FBXO4: variants seen among roughly 807,000 people sequenced by gnomAD.
The protein encoded by FBXO4 is F-box protein 4, also known as F-box only protein 4.
In FBXO4, 36 loss-of-function variants were observed where a neutral mutation model predicts 43.7. The ratio of observed to expected loss-of-function variants is 0.82; its 90% CI spans 0.63 to 1.09. The LOEUF (loss-of-function observed/expected upper bound fraction) is 1.09, where lower values mean the gene tolerates loss of function less well. Among genes scored for constraint, FBXO4 ranks in the 50% least tolerant of loss-of-function variants. The probability of loss-of-function intolerance (pLI) is 0.00; values close to 1 mark genes in which losing one functional copy is unlikely to be tolerated. For missense variants in FBXO4, 435 were observed against 474.1 expected, an observed-to-expected ratio of 0.92 and a Z score of 0.77; for synonymous variants, 180 against 165.6, an observed-to-expected ratio of 1.09 and a Z score of -0.67.
At chr5:41,964,956 C>A in the FBXO4 span, among the ~76,000 whole-genome samples, 2 of 152,036 alleles carry the variant, frequency 1.3e-5, no homozygotes. Flanking sequence ...GAAGTCCTTG[C>A]CCATGCCTAT....
the FBXO4 span, among the ~76,000 whole-genome samples, chr5:42,001,210 C>G: frequency 2.0e-5 from 3 of 148,228 alleles, no homozygotes; most frequent in Non-Finnish European, 4.4e-5. Flanking sequence ...TCCATGAAAA[C>G]ATTGTCATTC....
At chr5:41,948,416 T>A in the FBXO4 span, among the ~76,000 whole-genome samples, 1 of 152,194 alleles carries the variant, frequency 6.6e-6, no homozygotes, top group African/African-American at 2.4e-5. Flanking sequence ...ATTACAGGTG[T>A]GACCCACCGC....
At chr5:41,999,466 T>A in the FBXO4 span, among the ~76,000 whole-genome samples, 52 of 23,020 alleles carry the variant, frequency 2.3e-3, no homozygotes, top group African/African-American at 6.9e-3. Context: ...TGTGTGTGTG[T>A]ATATATATAT....
chr5:42,015,045 C>G, the FBXO4 span, among the ~76,000 whole-genome samples: 36 of 152,054 alleles, frequency 2.4e-4, no homozygotes, highest in African/African-American at 8.7e-4. Flanking sequence ...AGTGGCATTC[C>G]AAGAGTAAAG....
rs1561165770 is a variant in FBXO4, at chr5:41,925,356, C to T, written c.47C>T (p.Pro16Leu). Residue 16 changes from proline (P) to leucine (L), a missense_variant, in exon 1 of 7, where the codon CCC (proline) becomes CTC (leucine). By Grantham distance (98) the Pro-to-Leu change is moderately conservative. Coordinates refer to ENST00000281623, the MANE Select transcript of FBXO4 (RefSeq NM_012176.3). ...PRSGTNSPPP[P>L]FSDWGRLEAA... Reference sequence around the variant, plus strand: ...AGCGGAACAAACTCGCCGCCGCCGCCCTTCAGCGACTGGGGCCGCCTGGAG... The same window carrying T: ...AGCGGAACAAACTCGCCGCCGCCGCTCTTCAGCGACTGGGGCCGCCTGGAG... The T allele has an allele frequency of 5.8e-6, 8 of 1,371,510 alleles. No individual in the cohort carries two copies. The highest frequency in any genetic ancestry group is 3.4e-5 in the South Asian group (2 of 58,220). 85.0% of individuals were successfully genotyped at this position (1,371,510 alleles called of 1,614,324 possible).
chr5:42,003,162 T>A, the FBXO4 span, among the ~76,000 whole-genome samples: 1 of 152,204 alleles, frequency 6.6e-6, no homozygotes, highest in Non-Finnish European at 1.5e-5. Flanking sequence ...ATGAACTAAG[T>A]AACTTTAAGC....
chr5:41,925,495 G>T lies in FBXO4; in HGVS notation c.186G>T (p.Leu62=). The change falls in exon 1 of 7, where the codon CTG becomes CTT. Residue 62 remains leucine (L), a synonymous_variant. Transcript: ENST00000281623. ...AGGCGGCCAGCACCCTGACGCGGCT[G>T]CCGGTGAGCGTCGGCCGCAGGCCGC... ...VDEAASTLTR[L]PIDVQLYILS... is the part of the protein sequence containing the mutation. 1.5e-6 allele frequency: 2 copies of T among 1,309,068 alleles called. No individual in the cohort carries two copies. Among genetic ancestry groups the T allele is most frequent in the Non-Finnish European group, 2.0e-6 (2 of 1,021,112 alleles). The allele number at this position is 1,309,068 out of a possible 1,614,324, so 81.1% of individuals were successfully genotyped here.
the FBXO4 span, among the ~76,000 whole-genome samples, chr5:41,964,422 A>T: frequency 6.6e-6 from 1 of 152,120 alleles, no homozygotes; most frequent in South Asian, 2.1e-4. Flanking sequence ...AATAAAAAAA[A>T]ACCTTTAATC....
At chr5:41,966,815 C>T in the FBXO4 span, among the ~76,000 whole-genome samples, 2 of 152,108 alleles carry the variant, frequency 1.3e-5, no homozygotes, top group African/African-American at 4.8e-5. Flanking sequence ...TAGAGAAGTG[C>T]AATCCTAGAA....
Position 41,939,321 on chromosome 5 carries a change from C to T in FBXO4, c.899-120C>T, listed in dbSNP as rs534680351. On this transcript the variant is annotated intron_variant, in intron 5 of 6. Transcript: ENST00000281623. ...CTGAAGAGTACTGTGATTTTTTTCCCTCAGTTTATGTTTGGATCCTGGTAA... is the reference window on the plus strand; with the variant it reads ...CTGAAGAGTACTGTGATTTTTTTCCTTCAGTTTATGTTTGGATCCTGGTAA... The T allele has an allele frequency of 7.0e-6, 6 of 852,880 alleles. No individual in the cohort carries two copies. In the South Asian group the frequency reaches 8.2e-5, roughly 12 times the overall value. The allele number at this position is 852,880 out of a possible 1,614,324, so 52.8% of individuals were successfully genotyped here. A position where few individuals can be genotyped will look rare whatever the true frequency, so the allele number is the denominator to read the frequency against.
downstream of FBXO4, among the ~76,000 whole-genome samples, chr5:41,942,204 G>T (rs879107893): frequency 6.6e-6 from 1 of 151,938 alleles, no homozygotes. Flanking sequence ...TGTTGAGGGG[G>T]CAGAATTTTG....
chr5:41,927,479 T>A (rs1417911260), intron 2 of FBXO4, among the ~76,000 whole-genome samples: 1 of 152,194 alleles, frequency 6.6e-6, no homozygotes, highest in African/African-American at 2.4e-5. Flanking sequence ...ATAAGTAGTA[T>A]AGATGGCAAG....
chr5:41,928,316 C>T (rs1751571757), intron 2 of FBXO4, among the ~76,000 whole-genome samples: 1 of 151,842 alleles, frequency 6.6e-6, no homozygotes, highest in Non-Finnish European at 1.5e-5. Flanking sequence ...ATTTTTACAA[C>T]CCTGAGTTAT....
the FBXO4 span, among the ~76,000 whole-genome samples, chr5:41,973,187 A>G: frequency 6.6e-6 from 1 of 152,226 alleles, no homozygotes; most frequent in African/African-American, 2.4e-5. Flanking sequence ...ACAAAGATCT[A>G]ATATCTCATA....
the FBXO4 span, chr5:41,968,425 A>G: frequency 6.6e-6 from 1 of 152,614 alleles, no homozygotes; most frequent in Non-Finnish European, 1.5e-5. Context: ...TTGTTGAAGG[A>G]AGATAGGTAC....
At chr5:42,014,909 C>A in the FBXO4 span, among the ~76,000 whole-genome samples, 42 of 152,180 alleles carry the variant, frequency 2.8e-4, no homozygotes, top group African/African-American at 9.6e-4. Flanking sequence ...TGTTTCATTA[C>A]CCTCAGCCCA....
the FBXO4 span, chr5:41,968,266 G>A: frequency 5.8e-6 from 1 of 172,364 alleles, no homozygotes; most frequent in Non-Finnish European, 1.3e-5. Flanking sequence ...GGAGTTCAAA[G>A]GAACTGCCGC....
intron 6 of FBXO4, among the ~76,000 whole-genome samples, chr5:41,940,858 TG>T (rs1267480011): frequency 1.3e-5 from 2 of 152,182 alleles, no homozygotes; most frequent in Non-Finnish European, 2.9e-5. Context: ...TATGACTAAC[TG>T]GGTCACTAAA....
the FBXO4 span, among the ~76,000 whole-genome samples, chr5:42,018,670 C>T: frequency 6.6e-6 from 1 of 152,066 alleles, no homozygotes; most frequent in Non-Finnish European, 1.5e-5. Context: ...TCTTGTTTGT[C>T]CCTAAGTCAA....
Sources: gnomAD v4.1 joint callset for allele counts (sites outside exome capture counted in the v4.1 genomes callset) on GRCh38, gnomAD v4.1.1 for gene constraint, MANE v1.5 for transcripts, NCBI Gene and HGNC (gene_info 2026-07-23, HGNC 2026-07-21) for gene names.